The following TPGS1 variants were observed in gnomAD, a reference collection of about 807,000 sequenced individuals.
The protein encoded by TPGS1 is tubulin polyglutamylase complex subunit 1.
A neutral mutation model predicts 11.9 loss-of-function variants in TPGS1; 18 were observed. The observed-to-expected ratio is 1.51, with a 90% CI of 1.04 to 2.24. The LOEUF is 2.24. TPGS1 is among the 30% of genes most tolerant of loss of function. The pLI, the probability that TPGS1 is intolerant of heterozygous loss-of-function variation, is 0.00. For missense variants in TPGS1, 500 were observed against 443.0 expected (o/e 1.13, Z -1.16); for synonymous variants, 247 against 218.2 (o/e 1.13, Z -1.16).
At position 519,171 on chromosome 19, in the gene TPGS1, C is replaced by G; in HGVS notation, c.621C>G (p.Asp207Glu). 1 of 1,498,944 alleles carries G rather than the reference C, an allele frequency of 6.7e-7. No individual in the cohort carries two copies. The highest frequency in any genetic ancestry group is 8.8e-7 in the Non-Finnish European group (1 of 1,131,648). The allele number at this position is 1,498,944 out of a possible 1,614,324, so 92.9% of individuals were successfully genotyped here. ...GCGCGCTCTTCCAGCTGCTGGAGGACTCGGCCGCCGCCGTGGCCGACCGCC... is the reference window on the plus strand; with the variant it reads ...GCGCGCTCTTCCAGCTGCTGGAGGAGTCGGCCGCCGCCGTGGCCGACCGCC... ...RAGALFQLLE[D>E]SAAAVADRRV... Residue 207 changes from aspartate (D) to glutamate (E), a missense_variant, in exon 2 of 2, where the codon GAC becomes GAG. Physicochemically the swap from Asp to Glu is conservative, Grantham distance 45 (BLOSUM62 2). Coordinates refer to ENST00000359315, the MANE Select transcript of TPGS1 (RefSeq NM_033513.3).
chr19:518,751 A>G (rs1281551888), intron 1 of TPGS1, 138 bp from the exon 2 acceptor site: 5 of 747,254 alleles, frequency 6.7e-6, no homozygotes, highest in African/African-American at 3.4e-5. Flanking sequence ...GAGGCCGGGG[A>G]TGGGGGGTAG....
intron 1 of TPGS1, among the ~76,000 whole-genome samples, chr19:516,341 C>G (rs1405745754): frequency 1.3e-5 from 2 of 151,454 alleles, no homozygotes; most frequent in African/African-American, 4.8e-5. Flanking sequence ...GTTACAGAGG[C>G]GAGAAACAAA....
intron 1 of TPGS1, among the ~76,000 whole-genome samples, chr19:516,845 G>A (rs1978969647): frequency 6.6e-6 from 1 of 152,216 alleles, no homozygotes; most frequent in South Asian, 2.1e-4. Context: ...ACTACAGAGA[G>A]AAGACAGGCT....
intron 1 of TPGS1, chr19:508,172 G>A (rs1172146549): frequency 8.2e-6 from 2 of 243,486 alleles, no homozygotes; most frequent in Non-Finnish European, 1.6e-5. Flanking sequence ...GCCCGAGGTC[G>A]CAGAGCCAGC....
chr19:519,228 G>A lies in TPGS1; in HGVS notation c.678G>A (p.Glu226=), dbSNP rs758263865. The change falls in exon 2 of 2, where the codon GAG becomes GAA. Residue 226 remains glutamate, a synonymous_variant. Coordinates refer to ENST00000359315, the MANE Select transcript of TPGS1 (RefSeq NM_033513.3). ...GCCAGGCCGTGCTGGACACCCTGGA[G>A]GGCGCGCTGCAGGCCAGCGACGCCG... ...RVGQAVLDTL[E]GALQASDAAA... is the part of the protein sequence containing the mutation. The A allele has an allele frequency of 3.4e-5, 46 of 1,353,480 alleles. No individual in the cohort carries two copies. The highest frequency in any genetic ancestry group is 1.1e-4 in the South Asian group (6 of 56,860). The allele number at this position is 1,353,480 out of a possible 1,614,324, so 83.8% of individuals were successfully genotyped here.
Position 519,447 on chromosome 19 carries a change from G to T in TPGS1, c.*24G>T. 8.3e-7 allele frequency: 1 copy of T among 1,201,236 alleles called. No homozygotes were observed. Among genetic ancestry groups the T allele is most frequent in the South Asian group, 3.8e-5 (1 of 26,474 alleles). 74.4% of individuals were successfully genotyped at this position (1,201,236 alleles called of 1,614,324 possible). A position where few individuals can be genotyped will look rare whatever the true frequency, so the allele number is the denominator to read the frequency against. ...GAGGCCCGTGGGCCGCGCGGATCCGGGATCTGCGCTGGGGGGTCCCCGCGT... is the reference window on the plus strand; with the variant it reads ...GAGGCCCGTGGGCCGCGCGGATCCGTGATCTGCGCTGGGGGGTCCCCGCGT... On this transcript the variant is annotated 3_prime_UTR_variant, in exon 2 of 2. Coordinates refer to ENST00000359315, the MANE Select transcript of TPGS1 (RefSeq NM_033513.3).
At chr19:509,368 G>A (rs550247766) in intron 1 of TPGS1, 9 of 152,524 alleles carry the variant, frequency 5.9e-5, no homozygotes, top group East Asian at 1.9e-4. Context: ...CACTCACCCC[G>A]TAGACACTGC....
Position 507,591 on chromosome 19 carries a change from G to A in TPGS1, c.85G>A (p.Ala29Thr). ...CGGCCGCCAGTCGGTATCCCGGGCGGCGGGGGCGGCCGAGAGCGAGGAGGA... is the reference window on the plus strand; with the variant it reads ...CGGCCGCCAGTCGGTATCCCGGGCGACGGGGGCGGCCGAGAGCGAGGAGGA... ...DSGRQSVSRA[A>T]GAAESEEDFL... The change falls in exon 1 of 2, where the codon GCG (alanine) becomes ACG (threonine). Residue 29 changes from alanine (A) to threonine (T), a missense_variant. Physicochemically the swap from Ala to Thr is moderately conservative, Grantham distance 58. Transcript: ENST00000359315. The A allele has an allele frequency of 2.1e-6, 3 of 1,401,802 alleles. No individual in the cohort carries two copies. The highest frequency in any genetic ancestry group is 2.8e-6 in the Non-Finnish European group (3 of 1,070,566). 86.8% of individuals were successfully genotyped at this position (1,401,802 alleles called of 1,614,324 possible).
intron 1 of TPGS1, among the ~76,000 whole-genome samples, chr19:515,652 C>T (rs1350642386): frequency 1.3e-5 from 2 of 151,580 alleles, no homozygotes; most frequent in Non-Finnish European, 2.9e-5. Flanking sequence ...GCAGGAGAAT[C>T]GCTTGAACCC....
intron 1 of TPGS1, among the ~76,000 whole-genome samples, chr19:510,550 C>T (rs1223706843): frequency 1.3e-5 from 2 of 151,692 alleles, no homozygotes; most frequent in African/African-American, 4.9e-5. Flanking sequence ...ATGGCAAGCT[C>T]CGGCCGCCAG....
rs1490361635 is a variant in TPGS1 at position 519,072 on chromosome 19, G to T, written c.522G>T (p.Glu174Asp). 6.5e-7 allele frequency: 1 copy of T among 1,536,128 alleles called. No individual in the cohort carries two copies. The highest frequency in any genetic ancestry group is 8.7e-7 in the Non-Finnish European group (1 of 1,147,554). Residue 174 changes from glutamate to aspartate, a missense_variant, in exon 2 of 2, where the codon GAG becomes GAT. Glu to Asp is a conservative substitution (Grantham distance 45). Coordinates refer to ENST00000359315, the MANE Select transcript of TPGS1 (RefSeq NM_033513.3). ...LLRKVQCRDHEAVPLSVFRAG... is the reference protein window; with the variant it reads ...LLRKVQCRDHDAVPLSVFRAG... The stretch of plus-strand genomic sequence containing the variant: ...GCAAGGTGCAGTGCCGTGACCACGA[G>T]GCGGTGCCGCTGAGCGTCTTCCGCG...
At chr19:512,895 C>A (rs753313847) in intron 1 of TPGS1, among the ~76,000 whole-genome samples, 5 of 152,192 alleles carry the variant, frequency 3.3e-5, no homozygotes, top group Non-Finnish European at 5.9e-5. Context: ...GCGGTGGGGT[C>A]GCTCGCGCAG....
At chr19:507,976 T>G (rs547037965) in intron 1 of TPGS1, 132 bp downstream of exon 1, 71 of 675,926 alleles carry the variant, frequency 1.1e-4, no homozygotes, top group Middle Eastern at 4.7e-4. Context: ...GCGCGATGCC[T>G]TCTTGGGTGG....
At chr19:512,980 G>A (rs947374630) in intron 1 of TPGS1, among the ~76,000 whole-genome samples, 3 of 152,184 alleles carry the variant, frequency 2.0e-5, no homozygotes, top group African/African-American at 4.8e-5. Flanking sequence ...GCCTCGCGTC[G>A]AGCCCCGGGG....
At position 507,713 on chromosome 19, in the gene TPGS1, C is replaced by A; in HGVS notation, c.207C>A (p.His69Gln). ...RPEEPIAFLA[H>Q]YFENMGLRSP... ...AGGAGCCGATCGCCTTCCTGGCTCA[C>A]TACTTCGAGAACATGGGCCTGCGCT... The change falls in exon 1 of 2, where the codon CAC becomes CAA. Residue 69 changes from histidine (H) to glutamine (Q), a missense_variant. By Grantham distance (24) the His-to-Gln change is conservative. Transcript: ENST00000359315. 7.1e-7 allele frequency: 1 copy of A among 1,399,916 alleles called. No homozygotes were observed. Among genetic ancestry groups the A allele is most frequent in the Non-Finnish European group, 9.3e-7 (1 of 1,070,892 alleles). 86.7% of individuals were successfully genotyped at this position (1,399,916 alleles called of 1,614,324 possible). A position where few individuals can be genotyped will look rare whatever the true frequency, so the allele number is the denominator to read the frequency against.
rs747891927 is a variant in TPGS1 at position 519,009 on chromosome 19, C to T, written c.459C>T (p.Asp153=). 36 of 1,567,900 alleles carry T rather than the reference C, an allele frequency of 2.3e-5. No individual in the cohort carries two copies. Among genetic ancestry groups the T allele is most frequent in the Non-Finnish European group, 2.9e-5 (34 of 1,164,130 alleles). ...YSELLRRICR[D]GQAPEEVVAP... ...AGCTGCTCAGGCGCATCTGCCGGGACGGCCAAGCCCCCGAGGAGGTGGTGG... is the reference window on the plus strand; with the variant it reads ...AGCTGCTCAGGCGCATCTGCCGGGATGGCCAAGCCCCCGAGGAGGTGGTGG... Residue 153 remains aspartate, a synonymous_variant, in exon 2 of 2, where the codon GAC becomes GAT. Coordinates refer to ENST00000359315, the MANE Select transcript of TPGS1 (RefSeq NM_033513.3).
intron 1 of TPGS1, chr19:510,144 C>A (rs189215411): frequency 3.3e-5 from 5 of 152,218 alleles, no homozygotes; most frequent in East Asian, 1.9e-4. Context: ...GAGGCCGAGG[C>A]GGGCGGATCA....
At chr19:510,016 T>G (rs1978736741) in intron 1 of TPGS1, 1 of 152,456 alleles carries the variant, frequency 6.6e-6, no homozygotes, top group Non-Finnish European at 1.5e-5. Context: ...AGCAGGCAGC[T>G]CCGGCCGCCC....
rs1979073563 is a variant in TPGS1 at position 519,247 on chromosome 19, G to A, written c.697G>A (p.Asp233Asn). The change falls in exon 2 of 2, where the codon GAC becomes AAC. Residue 233 changes from aspartate (D) to asparagine (N), a missense_variant. Transcript: ENST00000359315. ...DTLEGALQAS[D>N]AAAPARFLEA... ...CCTGGAGGGCGCGCTGCAGGCCAGC[G>A]ACGCCGCCGCGCCCGCGCGCTTCCT... The A allele has an allele frequency of 2.4e-6, 3 of 1,229,598 alleles. No individual in the cohort carries two copies. Among genetic ancestry groups the A allele is most frequent in the East Asian group, 3.4e-5 (1 of 29,246 alleles). The allele number at this position is 1,229,598 out of a possible 1,614,324, so 76.2% of individuals were successfully genotyped here.
Sources: gnomAD v4.1 joint callset for allele counts (sites outside exome capture counted in the v4.1 genomes callset) on GRCh38, gnomAD v4.1.1 for gene constraint, MANE v1.5 for transcripts, NCBI Gene and HGNC (gene_info 2026-07-23, HGNC 2026-07-21) for gene names.